The following MTA3 variants were observed in gnomAD, a reference collection of about 807,000 sequenced individuals.
MTA3 encodes metastasis associated 1 family member 3, also known as metastasis-associated protein MTA3.
In MTA3, 34 loss-of-function variants were observed where a neutral mutation model predicts 83.5. The ratio of observed to expected loss-of-function variants is 0.41; its 90% confidence interval spans 0.31 to 0.54. The LOEUF is 0.54. MTA3 is among the 20% of genes least tolerant of loss of function. The pLI, the probability that MTA3 is intolerant of heterozygous loss-of-function variation, is 0.33. For synonymous variants in MTA3, 303 were observed against 252.7 expected, an observed-to-expected ratio of 1.20 and a Z score of -1.89; for missense variants, 761 against 726.4, an observed-to-expected ratio of 1.05 and a Z score of -0.55.
At chr2:42,572,792 A>G (rs1444433642) in intron 2 of MTA3, among the ~76,000 whole-genome samples, 2 of 152,134 alleles carry the variant, frequency 1.3e-5, no homozygotes, top group Admixed American at 6.6e-5. Context: ...CAATGGCGCA[A>G]TCTTGGCTCA....
chr2:42,662,159 TATA>T (rs1158879847), intron 8 of MTA3, among the ~76,000 whole-genome samples: 1 of 152,164 alleles, frequency 6.6e-6, no homozygotes, highest in African/African-American at 2.4e-5. Context: ...TATTCTTGTA[TATA>T]ATACTACACA....
chr2:42,518,826 C>T (rs1675277786), intron 2 of MTA3, among the ~76,000 whole-genome samples: 1 of 151,910 alleles, frequency 6.6e-6, no homozygotes, highest in Non-Finnish European at 1.5e-5. Flanking sequence ...ATTAGCCAGG[C>T]ATGGTGGGGC....
intron 14 of MTA3, chr2:42,712,687 T>C (rs1470657236): frequency 6.6e-6 from 1 of 152,166 alleles, no homozygotes; most frequent in Non-Finnish European, 1.5e-5. Context: ...CGTACTGTTT[T>C]CTTAAGATTT....
intron 6 of MTA3, 84 bp downstream of exon 6, chr2:42,644,328 A>G (rs1047453282): frequency 1.2e-5 from 10 of 826,712 alleles, no homozygotes; most frequent in African/African-American, 3.5e-5. Flanking sequence ...AGAAGAGGCA[A>G]TGTTCAGGGC....
chr2:42,581,536 C>G (rs1679641740), intron 3 of MTA3, among the ~76,000 whole-genome samples: 1 of 150,782 alleles, frequency 6.6e-6, no homozygotes. Flanking sequence ...CCGTGCCTAG[C>G]TAATTAAAAA....
At chr2:42,545,518 C>A (rs955139383) in intron 2 of MTA3, among the ~76,000 whole-genome samples, 1 of 151,926 alleles carries the variant, frequency 6.6e-6, no homozygotes, top group African/African-American at 2.4e-5. Context: ...GTGGGAGGTT[C>A]CCAGATAGAA....
At chr2:42,692,832 G>A (rs1253615980) in intron 9 of MTA3, among the ~76,000 whole-genome samples, 4 of 152,208 alleles carry the variant, frequency 2.6e-5, no homozygotes, top group African/African-American at 9.6e-5. Context: ...TTTCCTGGAT[G>A]ATGCTTGTAG....
intron 8 of MTA3, among the ~76,000 whole-genome samples, chr2:42,674,870 G>GT (rs1427590802): frequency 6.6e-6 from 1 of 151,560 alleles, no homozygotes; most frequent in Non-Finnish European, 1.5e-5. Context: ...AAAGTGCTGG[G>GT]ATTAGAGGCG....
At chr2:42,724,115 C>G (rs1667628564) in intron 16 of MTA3, among the ~76,000 whole-genome samples, 2 of 152,110 alleles carry the variant, frequency 1.3e-5, no homozygotes, top group African/African-American at 4.8e-5. Flanking sequence ...AGGAGTGTAT[C>G]AAAGTGTGAA....
Position 42,719,048 on chromosome 2 carries a change from C to G in MTA3, c.1586C>G (p.Pro529Arg). 1 of 1,550,260 alleles carries G rather than the reference C, an allele frequency of 6.5e-7. No individual in the cohort carries two copies. Among genetic ancestry groups the G allele is most frequent in the Non-Finnish European group, 8.7e-7 (1 of 1,146,792 alleles). The change falls in exon 15 of 17, where the codon CCT becomes CGT. Residue 529 changes from proline to arginine, a missense_variant. Coordinates refer to ENST00000405094, the MANE Select transcript of MTA3 (RefSeq NM_001330442.2). ...SPLKSKSTRKPLACIIGYLEI... is the reference protein window; with the variant it reads ...SPLKSKSTRKRLACIIGYLEI... ...CTGAAAAGCAAAAGCACTAGGAAGC[C>G]TTTGGCATGTATCATTGGGTATTTA...
intron 2 of MTA3, among the ~76,000 whole-genome samples, chr2:42,552,263 A>C (rs576489017): frequency 6.6e-6 from 1 of 152,300 alleles, no homozygotes; most frequent in African/African-American, 2.4e-5. Context: ...GCTGGTAAAG[A>C]GATAAAGGCC....
chr2:42,682,525 C>G lies in MTA3; in HGVS notation c.827C>G (p.Ala276Gly). Reference protein sequence around the residue: ...DEMEEWSASEASLFEEALEKY... With the variant: ...DEMEEWSASEGSLFEEALEKY... ...ATGGAGGAATGGTCAGCCTCTGAAG[C>G]TAGCTTATTTGAAGAGGCACTGGAA... The change falls in exon 9 of 17, where the codon GCT becomes GGT. Residue 276 changes from alanine (A) to glycine (G), a missense_variant. Transcript: ENST00000405094. 1 of 1,612,822 alleles carries G rather than the reference C, an allele frequency of 6.2e-7. No individual in the cohort carries two copies. The highest frequency in any genetic ancestry group is 1.3e-5 in the African/African-American group (1 of 75,022).
chr2:42,502,789 C>G (rs553020109), intron 2 of MTA3, among the ~76,000 whole-genome samples: 39 of 56,990 alleles, frequency 6.8e-4, no homozygotes, highest in African/African-American at 4.5e-3. Flanking sequence ...AAGAACAAAA[C>G]TCTGTCTCAA....
chr2:42,729,320 C>G (rs886167400), intron 16 of MTA3, among the ~76,000 whole-genome samples: 5 of 151,826 alleles, frequency 3.3e-5, no homozygotes, highest in Non-Finnish European at 5.9e-5. Context: ...CCAGGATGAT[C>G]TCGATCCCCT....
intron 16 of MTA3, among the ~76,000 whole-genome samples, chr2:42,741,621 A>G (rs532915529): frequency 6.6e-6 from 1 of 150,632 alleles, no homozygotes; most frequent in African/African-American, 2.5e-5. Context: ...AGGGGAAAAG[A>G]CAGGGAAAGG....
chr2:42,587,508 G>T (rs776380711), intron 3 of MTA3, among the ~76,000 whole-genome samples: 5 of 151,956 alleles, frequency 3.3e-5, no homozygotes, highest in Admixed American at 6.6e-5. Flanking sequence ...GTATACACAC[G>T]TTCTTTCCTT....
intron 2 of MTA3, among the ~76,000 whole-genome samples, chr2:42,575,335 T>C (rs1293533776): frequency 6.6e-6 from 1 of 152,206 alleles, no homozygotes; most frequent in Non-Finnish European, 1.5e-5. Context: ...CTTTTCTGTT[T>C]TGTCCAGTTA....
In MTA3 at chr2:42,656,239, A is replaced by T; in HGVS notation, c.539A>T (p.Lys180Ile). The change falls in exon 7 of 17, where the codon AAA becomes ATA. Residue 180 changes from lysine (K) to isoleucine (I), a missense_variant. Lys to Ile is a moderately radical substitution (Grantham distance 102). Transcript: ENST00000405094. The part of the protein sequence containing the change: ...DEREQSKLEV[K>I]VWDPNSPLTD... Reference sequence around the variant, plus strand: ...AGGGAACAATCAAAATTGGAAGTTAAAGTTTGGGATCCAAATAGCCCACTT... The same window carrying T: ...AGGGAACAATCAAAATTGGAAGTTATAGTTTGGGATCCAAATAGCCCACTT... 1 of 1,613,838 alleles carries T rather than the reference A, an allele frequency of 6.2e-7. No individual in the cohort carries two copies. The highest frequency in any genetic ancestry group is 8.5e-7 in the Non-Finnish European group (1 of 1,179,774).
chr2:42,600,188 ACT>A (rs1196540528), intron 3 of MTA3, among the ~76,000 whole-genome samples: 1 of 152,074 alleles, frequency 6.6e-6, no homozygotes, highest in East Asian at 1.9e-4. Context: ...ACAGAGCGAG[ACT>A]CTGTCTCAAA....
Sources: allele counts gnomAD v4.1 joint callset (sites outside exome capture counted in the v4.1 genomes callset), GRCh38; gene constraint gnomAD v4.1.1; transcripts MANE v1.5; gene names NCBI Gene and HGNC (gene_info 2026-07-23, HGNC 2026-07-21).